The following KPNA6 variants were observed in gnomAD, a reference collection of about 807,000 sequenced individuals.
KPNA6 encodes the protein importin subunit alpha-7.
In KPNA6, 9 loss-of-function variants were observed where a neutral mutation model predicts 72.0. The ratio of observed to expected loss-of-function variants is 0.13; its 90% CI spans 0.08 to 0.22. The LOEUF is 0.22. Ranked by LOEUF, KPNA6 falls within the 10% of genes least tolerant of loss-of-function variation. The pLI, the probability that KPNA6 is intolerant of heterozygous loss-of-function variation, is 1.00. For missense variants in KPNA6, 374 were observed against 655.7 expected (o/e 0.57, Z 4.69); for synonymous variants, 219 against 242.1 (o/e 0.90, Z 0.89).
intron 1 of KPNA6, among the ~76,000 whole-genome samples, chr1:32,144,911 G>A (rs1380772906): frequency 6.7e-6 from 1 of 150,228 alleles, no homozygotes; most frequent in Non-Finnish European, 1.5e-5. Context: ...CTCCCAAAGT[G>A]TTGGAATTAC....
intron 1 of KPNA6, among the ~76,000 whole-genome samples, chr1:32,117,728 A>G (rs910186540): frequency 2.0e-5 from 3 of 152,194 alleles, no homozygotes; most frequent in African/African-American, 7.2e-5. Flanking sequence ...TCAGATTCTC[A>G]TGTTTTAGTT....
intron 3 of KPNA6, 53 bp downstream of exon 3, chr1:32,156,998 G>A: frequency 1.5e-6 from 2 of 1,349,888 alleles, no homozygotes; most frequent in Non-Finnish European, 2.1e-6. Flanking sequence ...TGCTTCTAAG[G>A]ACAGAAATTG....
rs911750336 is a variant in KPNA6, at chr1:32,170,126, T to C, written c.1423+66T>C. ...GTAGGCCTCCAACGTGGTATACATA[T>C]GTTGGTGGTGGCGGAGTGTGGGTTG... On this transcript the variant is annotated intron_variant, in intron 13 of 13. Transcript: ENST00000373625. The C allele has an allele frequency of 1.5e-5, 21 of 1,414,988 alleles. No individual in the cohort carries two copies. In the South Asian group the frequency reaches 2.6e-4, roughly 18 times the overall value. The allele number at this position is 1,414,988 out of a possible 1,614,324, so 87.7% of individuals were successfully genotyped here.
At chr1:32,142,464 C>T (rs942407395) in intron 1 of KPNA6, among the ~76,000 whole-genome samples, 9 of 152,002 alleles carry the variant, frequency 5.9e-5, no homozygotes, top group Admixed American at 4.6e-4. Flanking sequence ...AATATAGACG[C>T]GTTTTGAGGT....
chr1:32,139,196 A>G (rs1641794862), intron 1 of KPNA6, among the ~76,000 whole-genome samples: 1 of 152,170 alleles, frequency 6.6e-6, no homozygotes, highest in South Asian at 2.1e-4. Context: ...GGATACAACA[A>G]CTCTGCCTTT....
chr1:32,159,975 T>C (rs564507934), intron 6 of KPNA6, among the ~76,000 whole-genome samples: 3 of 152,226 alleles, frequency 2.0e-5, no homozygotes, highest in African/African-American at 7.2e-5. Flanking sequence ...TAGTGGGCTC[T>C]TTTATAGACT....
rs1642502449 is a variant in KPNA6 at position 32,175,063 on chromosome 1, C to G, written c.*4169C>G. The G allele has an allele frequency of 6.6e-6, 1 of 152,182 alleles. No individual in the cohort carries two copies. The highest frequency in any genetic ancestry group is 2.4e-5 in the African/African-American group (1 of 41,438). 9.4% of individuals were successfully genotyped at this position (152,182 alleles called of 1,614,324 possible). On this transcript the variant is annotated 3_prime_UTR_variant, in exon 14 of 14. Transcript: ENST00000373625. The stretch of plus-strand genomic sequence containing the variant: ...GGCCTTCATAAATGATTCAGTCTCT[C>G]ATTATCTGTCCTCTAGCCCCACACC...
At chr1:32,165,078 G>GT (rs531487211) in intron 10 of KPNA6, among the ~76,000 whole-genome samples, 57 of 149,708 alleles carry the variant, frequency 3.8e-4, no homozygotes, top group Admixed American at 1.0e-3. Context: ...TTTTGAATTT[G>GT]TTTTTTTTTG....
At chr1:32,132,827 T>C (rs967313183) in intron 1 of KPNA6, among the ~76,000 whole-genome samples, 3 of 151,982 alleles carry the variant, frequency 2.0e-5, no homozygotes, top group Non-Finnish European at 2.9e-5. Context: ...GGCGTGAACC[T>C]GGGAGGCGGA....
chr1:32,109,988 G>A (rs972974862), intron 1 of KPNA6, among the ~76,000 whole-genome samples: 5 of 151,628 alleles, frequency 3.3e-5, no homozygotes, highest in Non-Finnish European at 7.4e-5. Flanking sequence ...GAAACTGAAG[G>A]AGTCCAGAGT....
chr1:32,128,761 A>G (rs1210505686), intron 1 of KPNA6, among the ~76,000 whole-genome samples: 1 of 151,984 alleles, frequency 6.6e-6, no homozygotes. Flanking sequence ...TCTGTTTCAA[A>G]CTGTTTTCTC....
chr1:32,137,702 G>A (rs1641759138), intron 1 of KPNA6, among the ~76,000 whole-genome samples: 1 of 152,172 alleles, frequency 6.6e-6, no homozygotes, highest in South Asian at 2.1e-4. Flanking sequence ...GGTGATGAGG[G>A]TGTAAACTAA....
At chr1:32,142,431 C>T (rs192229217) in intron 1 of KPNA6, among the ~76,000 whole-genome samples, 1 of 152,054 alleles carries the variant, frequency 6.6e-6, no homozygotes, top group African/African-American at 2.4e-5. Context: ...ACCTTAATTA[C>T]CTCTTTAAGG....
Position 32,121,178 on chromosome 1 carries a change from A to G in KPNA6, c.4+13044A>G, listed in dbSNP as rs184000185. The stretch of plus-strand genomic sequence containing the variant: ...TAAGCTACTGCTCCTGGCCGTACCT[A>G]GGAGCTCTTTGAGTAATGTGGTAGT... On this transcript the variant is annotated intron_variant, in intron 1 of 13. Coordinates refer to ENST00000373625, the MANE Select transcript of KPNA6 (RefSeq NM_012316.5). Among the ~76,000 whole-genome samples the G allele has an allele frequency of 6.6e-5, 10 of 152,174 alleles. No homozygotes were observed. The East Asian group carries it at 1.9e-3, about 29-fold the overall frequency.
At position 32,163,222 on chromosome 1, in the gene KPNA6, C is replaced by T; in HGVS notation, c.912-13C>T. Reference sequence around the variant, plus strand: ...GTGTGCTGGCCTTCTGATCAGATCTCCCTCCTCTGTAGGCACAATGATTAC... The same window carrying T: ...GTGTGCTGGCCTTCTGATCAGATCTTCCTCCTCTGTAGGCACAATGATTAC... On this transcript the variant is annotated splice_polypyrimidine_tract_variant and intron_variant, in intron 9 of 13. Coordinates refer to ENST00000373625, the MANE Select transcript of KPNA6 (RefSeq NM_012316.5). 6.3e-7 allele frequency: 1 copy of T among 1,596,672 alleles called. No individual in the cohort carries two copies. The highest frequency in any genetic ancestry group is 1.1e-5 in the South Asian group (1 of 90,344).
intron 1 of KPNA6, among the ~76,000 whole-genome samples, chr1:32,125,668 C>T (rs372271509): frequency 4.6e-5 from 7 of 152,266 alleles, no homozygotes; most frequent in South Asian, 2.1e-4. Flanking sequence ...TCTCCCTCGC[C>T]GACAAACCTA....
At chr1:32,116,612 C>T (rs192456900) in intron 1 of KPNA6, among the ~76,000 whole-genome samples, 49 of 152,030 alleles carry the variant, frequency 3.2e-4, no homozygotes, top group African/African-American at 1.2e-3. Flanking sequence ...GAGCTGAGAT[C>T]GCACCATTAC....
chr1:32,162,602 C>T, intron 9 of KPNA6, 78 bp downstream of exon 9: 1 of 1,486,860 alleles, frequency 6.7e-7, no homozygotes, highest in East Asian at 2.3e-5. Flanking sequence ...TTTGGGATGC[C>T]AAGGTGGGCG....
chr1:32,159,329 C>G (rs1018261864), intron 5 of KPNA6, 71 bp from the exon 6 acceptor site: 3 of 1,538,070 alleles, frequency 2.0e-6, no homozygotes, highest in Non-Finnish European at 2.7e-6. Flanking sequence ...GCTTACTGTT[C>G]TGAGCCAGCT....
Sources: gnomAD v4.1 joint callset for allele counts (sites outside exome capture counted in the v4.1 genomes callset) on GRCh38, gnomAD v4.1.1 for gene constraint, MANE v1.5 for transcripts, NCBI Gene and HGNC (gene_info 2026-07-23, HGNC 2026-07-21) for gene names.